The following SKOR2 variants were observed in gnomAD, a reference collection of about 807,000 sequenced individuals.
The protein encoded by SKOR2 is SKI family transcriptional corepressor 2.
A neutral mutation model predicts 69.1 loss-of-function variants in SKOR2; 47 were observed. The ratio of observed to expected loss-of-function variants is 0.68; its 90% confidence interval spans 0.54 to 0.87. SKOR2 has a LOEUF of 0.87. Ranked by LOEUF, SKOR2 falls within the 40% of genes least tolerant of loss-of-function variation. The probability of loss-of-function intolerance (pLI) is 0.00; values close to 1 mark genes in which losing one functional copy is unlikely to be tolerated. For synonymous variants in SKOR2, 717 were observed against 672.6 expected (o/e 1.07, Z -1.02); for missense variants, 1,404 against 1,472.2 (o/e 0.95, Z 0.76).
intron 7 of SKOR2, among the ~76,000 whole-genome samples, chr18:47,218,446 C>T (rs1359854618): frequency 6.6e-6 from 1 of 151,746 alleles, no homozygotes; most frequent in African/African-American, 2.4e-5. Flanking sequence ...AAAAATTAAT[C>T]GGGTGTGGTG....
At chr18:47,239,633 T>C (rs1288786967) in intron 4 of SKOR2, among the ~76,000 whole-genome samples, 1 of 152,242 alleles carries the variant, frequency 6.6e-6, no homozygotes, top group Non-Finnish European at 1.5e-5. Flanking sequence ...TAATGCTGTT[T>C]AATTTTTTTT....
At chr18:47,251,240 C>T (rs1156342494) in intron 1 of SKOR2, 134 bp downstream of exon 1, 7 of 152,322 alleles carry the variant, frequency 4.6e-5, no homozygotes, top group African/African-American at 1.4e-4. Flanking sequence ...CTTAGTTCTC[C>T]CGACTCCCAA....
chr18:47,210,309 C>CTTTTTG (rs1445816160), intron 8 of SKOR2, among the ~76,000 whole-genome samples: 1 of 151,918 alleles, frequency 6.6e-6, no homozygotes, highest in Non-Finnish European at 1.5e-5. Flanking sequence ...ACTGAGTTTC[C>CTTTTTG]TTTTTGTTTT....
chr18:47,247,998 G>C lies in SKOR2; in HGVS notation c.1186C>G (p.Gln396Glu). The C allele has an allele frequency of 7.0e-7, 1 of 1,426,486 alleles. No homozygotes were observed. The highest frequency in any genetic ancestry group is 1.5e-5 in the African/African-American group (1 of 67,438). 88.4% of individuals were successfully genotyped at this position (1,426,486 alleles called of 1,614,324 possible). A position where few individuals can be genotyped will look rare whatever the true frequency, so the allele number is the denominator to read the frequency against. The change falls in exon 2 of 9, where the codon CAG becomes GAG. Residue 396 changes from glutamine (Q) to glutamate (E), a missense_variant. By Grantham distance (29) the Gln-to-Glu change is conservative. Transcript: ENST00000425639. This position sits in a 1 kb window ranked among gnomAD's most constrained non-coding sequence, Gnocchi z 6.6. ...PSKGSFGGVL[Q>E]KFPGCGGLFP... ...AGCCCGCCGCAGCCCGGGAACTTCT[G>C]CAGGACGCCCCCGAACGAGCCCTTG... is the stretch of plus-strand genomic sequence containing the variant.
chr18:47,216,601 G>C (rs1004682600), intron 7 of SKOR2, among the ~76,000 whole-genome samples: 2 of 152,020 alleles, frequency 1.3e-5, no homozygotes, highest in Non-Finnish European at 2.9e-5. Flanking sequence ...AAAAATGCAG[G>C]AGCCAAAGAA....
chr18:47,216,514 T>C (rs1600025586), intron 7 of SKOR2, among the ~76,000 whole-genome samples: 1 of 152,304 alleles, frequency 6.6e-6, no homozygotes, highest in Admixed American at 6.5e-5. Flanking sequence ...ATCATTTGAC[T>C]CTGTAGTCAT....
Position 47,239,358 on chromosome 18 carries a change from C to A in SKOR2, c.2752+5550G>T, listed in dbSNP as rs2064238938. On this transcript the variant is annotated intron_variant, in intron 4 of 8. Coordinates refer to ENST00000425639, the MANE Select transcript of SKOR2 (RefSeq NM_001278063.4). ...CACAGAACAGAAAAGAAAAAAAAAT[C>A]AATATCACTGGAAAGCATATGCTAC... Among the ~76,000 whole-genome samples, 3 of 151,690 alleles carry A rather than the reference C, an allele frequency of 2.0e-5. No homozygotes were observed. In the South Asian group the frequency reaches 6.3e-4, roughly 32 times the overall value.
intron 4 of SKOR2, among the ~76,000 whole-genome samples, chr18:47,236,163 A>AT (rs202075089): frequency 2.2e-4 from 34 of 151,716 alleles, no homozygotes; most frequent in East Asian, 1.9e-3. Flanking sequence ...TTTTTTCTGT[A>AT]TTTTTTTTGT....
chr18:47,235,506 C>T (rs991291847), intron 4 of SKOR2, among the ~76,000 whole-genome samples: 1 of 152,140 alleles, frequency 6.6e-6, no homozygotes, highest in Non-Finnish European at 1.5e-5. Flanking sequence ...CAGCATCGTG[C>T]CATATCAGGG....
chr18:47,207,107 A>T (rs950479742), intron 8 of SKOR2, among the ~76,000 whole-genome samples: 2 of 152,082 alleles, frequency 1.3e-5, no homozygotes, highest in Admixed American at 1.3e-4. Context: ...AGCCATTTAG[A>T]TGGGTTTAGA....
chr18:47,214,996 A>T (rs56249383), intron 7 of SKOR2, among the ~76,000 whole-genome samples: 1 of 146,928 alleles, frequency 6.8e-6, no homozygotes, highest in Non-Finnish European at 1.5e-5. Flanking sequence ...CTGGAGTTTA[A>T]AAAAAAAAAG....
In SKOR2 at chr18:47,248,044, G is replaced by A; in HGVS notation, c.1140C>T (p.Tyr380=). The A allele has an allele frequency of 6.9e-7, 1 of 1,439,466 alleles. No individual in the cohort carries two copies. The highest frequency in any genetic ancestry group is 1.4e-5 in the South Asian group (1 of 73,050). 89.2% of individuals were successfully genotyped at this position (1,439,466 alleles called of 1,614,324 possible). A position where few individuals can be genotyped will look rare whatever the true frequency, so the allele number is the denominator to read the frequency against. Reference sequence around the variant, plus strand: ...CCTTGCTGGGCACCGGGATGACTGGGTAGCTGCGCGGGCCTTTGGCCCCTG... The same window carrying A: ...CCTTGCTGGGCACCGGGATGACTGGATAGCTGCGCGGGCCTTTGGCCCCTG... ...AGAGAKGPRS[Y]PVIPVPSKGS... is the part of the protein sequence containing the mutation. The change falls in exon 2 of 9, where the codon TAC becomes TAT. Residue 380 remains tyrosine, a synonymous_variant. Transcript: ENST00000425639. This position sits in a 1 kb window ranked among gnomAD's most constrained non-coding sequence, Gnocchi z 6.4.
chr18:47,210,757 G>T (rs749745764), intron 8 of SKOR2, among the ~76,000 whole-genome samples: 10 of 152,092 alleles, frequency 6.6e-5, no homozygotes, highest in African/African-American at 1.2e-4. Context: ...CATAGAGATG[G>T]AAACAGAATG....
intron 5 of SKOR2, 36 bp from the exon 6 acceptor site, chr18:47,230,593 T>C (rs1308539613): frequency 8.0e-7 from 1 of 1,243,914 alleles, no homozygotes; most frequent in South Asian, 2.0e-5. Flanking sequence ...TACTAATCTT[T>C]ACAAATAACT....
rs1045539317 is a variant in SKOR2, at chr18:47,228,216, C to T, written c.2917+2243G>A. ...CTGCCTCTTTGTGGTGTATCTAAAC[C>T]ACGCATTATTTAAACTTGGGCACAC... On this transcript the variant is annotated intron_variant, in intron 6 of 8. Coordinates refer to ENST00000425639, the MANE Select transcript of SKOR2 (RefSeq NM_001278063.4). 4.6e-5 allele frequency among the ~76,000 whole-genome samples: 7 copies of T among 152,314 alleles called. No homozygotes were observed. In the East Asian group the frequency reaches 1.3e-3, roughly 29 times the overall value.
chr18:47,247,850 G>A lies in SKOR2; in HGVS notation c.1334C>T (p.Ala445Val). The change falls in exon 2 of 9, where the codon GCG becomes GTG. Residue 445 changes from alanine (A) to valine (V), a missense_variant. Physicochemically the swap from Ala to Val is moderately conservative, Grantham distance 64. Around this residue, in one of 3 missense-constraint regions of SKOR2, gnomAD observed 1,266 missense variants for 1,309.9 expected, o/e 0.97. Coordinates refer to ENST00000425639, the MANE Select transcript of SKOR2 (RefSeq NM_001278063.4). This position sits in a 1 kb window ranked among gnomAD's most constrained non-coding sequence, Gnocchi z 6.6. Reference protein sequence around the residue: ...GGAGAGGAGAAPKAGLSGLFW... With the variant: ...GGAGAGGAGAVPKAGLSGLFW... The stretch of plus-strand genomic sequence containing the variant: ...GAGGCCGGACAAGCCGGCCTTGGGC[G>A]CCGCGCCCGCGCCGCCTGCGCCCGC... 10 of 1,361,380 alleles carry A rather than the reference G, an allele frequency of 7.3e-6. No individual in the cohort carries two copies. The highest frequency in any genetic ancestry group is 3.6e-5 in the South Asian group (2 of 56,106). 84.3% of individuals were successfully genotyped at this position (1,361,380 alleles called of 1,614,324 possible).
At chr18:47,239,247 A>G (rs1436744531) in intron 4 of SKOR2, among the ~76,000 whole-genome samples, 2 of 152,242 alleles carry the variant, frequency 1.3e-5, no homozygotes, top group Admixed American at 6.5e-5. Context: ...TTTCTCCTCT[A>G]TCAGTGGGAT....
chr18:47,244,014 T>C (rs1241696314), intron 4 of SKOR2, among the ~76,000 whole-genome samples: 1 of 152,238 alleles, frequency 6.6e-6, no homozygotes, highest in African/African-American at 2.4e-5. Context: ...ACATAAAACA[T>C]TTTATTTCAT....
In SKOR2 at chr18:47,247,842, C is replaced by T; in HGVS notation, c.1342G>A (p.Ala448Thr). The T allele has an allele frequency of 7.3e-7, 1 of 1,367,118 alleles. No individual in the cohort carries two copies. Among genetic ancestry groups the T allele is most frequent in the Admixed American group, 4.0e-5 (1 of 25,280 alleles). 84.7% of individuals were successfully genotyped at this position (1,367,118 alleles called of 1,614,324 possible). ...GAGGAGAAPK[A>T]GLSGLFWPAG... ...GGCCAGAAGAGGCCGGACAAGCCGGCCTTGGGCGCCGCGCCCGCGCCGCCT... is the reference window on the plus strand; with the variant it reads ...GGCCAGAAGAGGCCGGACAAGCCGGTCTTGGGCGCCGCGCCCGCGCCGCCT... Residue 448 changes from alanine (A) to threonine (T), a missense_variant, in exon 2 of 9, where the codon GCC becomes ACC. By Grantham distance (58) the Ala-to-Thr change is moderately conservative. Around this residue, in one of 3 missense-constraint regions of SKOR2, gnomAD observed 1,266 missense variants for 1,309.9 expected, o/e 0.97. Transcript: ENST00000425639. The surrounding 1 kb of genome is among the most constrained non-coding windows in gnomAD (Gnocchi z 6.6).
Sources: allele counts gnomAD v4.1 joint callset (sites outside exome capture counted in the v4.1 genomes callset), GRCh38; gene constraint gnomAD v4.1.1; regional missense constraint gnomAD v4.1.1; non-coding constraint Gnocchi (gnomAD v3.1); transcripts MANE v1.5; gene names NCBI Gene and HGNC (gene_info 2026-07-23, HGNC 2026-07-21).